ERBB4: variants seen among roughly 807,000 people sequenced by gnomAD.
The protein encoded by ERBB4 is receptor tyrosine-protein kinase erbB-4.
ERBB4 carries 42 observed loss-of-function variants against 158.0 expected under a neutral mutation model. The ratio of observed to expected loss-of-function variants is 0.27; its 90% CI spans 0.21 to 0.34. ERBB4 has a LOEUF of 0.34. Among genes scored for constraint, ERBB4 ranks in the 10% least tolerant of loss-of-function variants. The pLI is 1.00. For missense variants in ERBB4, 1,333 were observed against 1,624.1 expected (o/e 0.82, Z 3.08); for synonymous variants, 583 against 558.7 (o/e 1.04, Z -0.61).
chr2:211,771,682 G>T (rs1157002298), intron 4 of ERBB4, among the ~76,000 whole-genome samples: 1 of 152,098 alleles, frequency 6.6e-6, no homozygotes, highest in Non-Finnish European at 1.5e-5. Context: ...CCCCTAAAGA[G>T]GCTAAAGTGA....
intron 12 of ERBB4, among the ~76,000 whole-genome samples, chr2:211,699,864 A>G (rs1406206233): frequency 1.3e-5 from 2 of 152,162 alleles, no homozygotes; most frequent in East Asian, 3.8e-4. Context: ...GTGAAATAAC[A>G]TTATATAATT....
Position 212,235,461 on chromosome 2 carries a change from T to C in ERBB4, c.83-110558A>G, listed in dbSNP as rs547492820. ...CCTCTTGGCTATCCGGGCTCTTTTTTCGTTCCATATAAAATTTAAAGTAGT... is the reference window on the plus strand; with the variant it reads ...CCTCTTGGCTATCCGGGCTCTTTTTCCGTTCCATATAAAATTTAAAGTAGT... On this transcript the variant is annotated intron_variant, in intron 1 of 27. Coordinates refer to ENST00000342788, the MANE Select transcript of ERBB4 (RefSeq NM_005235.3). Among the ~76,000 whole-genome samples, 5 of 152,304 alleles carry C rather than the reference T, an allele frequency of 3.3e-5. No homozygotes were observed. The South Asian group carries it at 6.2e-4, about 19-fold the overall frequency.
intron 1 of ERBB4, among the ~76,000 whole-genome samples, chr2:212,401,040 C>A (rs967554559): frequency 1.3e-5 from 2 of 152,180 alleles, no homozygotes; most frequent in East Asian, 3.9e-4. Flanking sequence ...GCACTTAATG[C>A]CAATTTTAAG....
intron 1 of ERBB4, among the ~76,000 whole-genome samples, chr2:212,180,338 C>T (rs935036439): frequency 2.0e-5 from 3 of 151,574 alleles, no homozygotes; most frequent in Non-Finnish European, 4.4e-5. Context: ...AAGTGAAACA[C>T]CTGGATCACC....
chr2:211,400,093 A>C (rs7585000), intron 25 of ERBB4, among the ~76,000 whole-genome samples: 42,988 of 152,058 alleles, frequency 0.28, 6,224 homozygotes, highest in East Asian at 0.37. Flanking sequence ...TGAGAAGGGA[A>C]GTAGCTGCTG....
chr2:212,392,360 T>C (rs545595955), intron 1 of ERBB4, among the ~76,000 whole-genome samples: 4 of 151,938 alleles, frequency 2.6e-5, no homozygotes, highest in African/African-American at 7.2e-5. Context: ...AAATGTAACA[T>C]GGAAAAGAAA....
intron 2 of ERBB4, among the ~76,000 whole-genome samples, chr2:212,003,644 T>C (rs911231569): frequency 1.3e-5 from 2 of 152,156 alleles, no homozygotes; most frequent in African/African-American, 4.8e-5. Context: ...AATAAAATAA[T>C]AAAAATATTT....
intron 3 of ERBB4, among the ~76,000 whole-genome samples, chr2:211,899,712 C>T (rs1156932027): frequency 6.6e-6 from 1 of 152,026 alleles, no homozygotes; most frequent in Non-Finnish European, 1.5e-5. Flanking sequence ...CCATATAATT[C>T]CTTAATAGAA....
chr2:212,380,705 T>A (rs1239262400), intron 1 of ERBB4, among the ~76,000 whole-genome samples: 1 of 151,098 alleles, frequency 6.6e-6, no homozygotes, highest in African/African-American at 2.4e-5. Context: ...TTTAGGCTCT[T>A]TGAAAATGTA....
At chr2:212,096,550 A>T (rs959455761) in intron 2 of ERBB4, among the ~76,000 whole-genome samples, 2 of 152,194 alleles carry the variant, frequency 1.3e-5, no homozygotes, top group Non-Finnish European at 2.9e-5. Context: ...CTGAGGGCTC[A>T]CATTTCCTCA....
intron 3 of ERBB4, among the ~76,000 whole-genome samples, chr2:211,939,785 G>C (rs1398125541): frequency 4.6e-5 from 7 of 151,654 alleles, no homozygotes; most frequent in Non-Finnish European, 1.0e-4. Flanking sequence ...ATCTCTAATA[G>C]AAATATACAA....
chr2:212,277,866 G>C (rs1355537023), intron 1 of ERBB4, among the ~76,000 whole-genome samples: 1 of 151,542 alleles, frequency 6.6e-6, no homozygotes, highest in Non-Finnish European at 1.5e-5. Context: ...GTAAACAGAG[G>C]AGTATGATTA....
chr2:212,133,273 T>C (rs997046594), intron 1 of ERBB4, among the ~76,000 whole-genome samples: 3 of 152,130 alleles, frequency 2.0e-5, no homozygotes, highest in Non-Finnish European at 2.9e-5. Flanking sequence ...TTATAGCCTA[T>C]AAGAACTTGT....
chr2:212,369,775 C>T (rs2090020896), intron 1 of ERBB4, among the ~76,000 whole-genome samples: 1 of 151,996 alleles, frequency 6.6e-6, no homozygotes, highest in Non-Finnish European at 1.5e-5. Flanking sequence ...TCAAAGCAGC[C>T]TGGAAATTGT....
At position 211,780,926 on chromosome 2, in the gene ERBB4, A is replaced by G. The variant is rs192258493; in HGVS notation, c.556+7099T>C. Among the ~76,000 whole-genome samples, 799 of 152,338 alleles carry G rather than the reference A, an allele frequency of 5.2e-3. 9 individuals carry two copies. Among genetic ancestry groups the G allele is most frequent in the Middle Eastern group, 0.02 (6 of 294 alleles). On this transcript the variant is annotated intron_variant, in intron 4 of 27. Coordinates refer to ENST00000342788, the MANE Select transcript of ERBB4 (RefSeq NM_005235.3). ...ATAATTTAGGGTTTTATTTAAAAATATCTTTTGAAAACAGTGTGATTTCAT... is the reference window on the plus strand; with the variant it reads ...ATAATTTAGGGTTTTATTTAAAAATGTCTTTTGAAAACAGTGTGATTTCAT...
intron 12 of ERBB4, among the ~76,000 whole-genome samples, chr2:211,694,561 C>T (rs1574999264): frequency 6.7e-6 from 1 of 148,382 alleles, no homozygotes; most frequent in African/African-American, 2.5e-5. Context: ...TACTTGAATG[C>T]TTTTTTTTTT....
intron 3 of ERBB4, among the ~76,000 whole-genome samples, chr2:211,919,523 T>C (rs2079800118): frequency 6.6e-6 from 1 of 152,054 alleles, no homozygotes; most frequent in Admixed American, 6.6e-5. Context: ...CAAATAACCC[T>C]AGTAAATGTG....
At position 211,548,452 on chromosome 2, in the gene ERBB4, T is replaced by C. The variant is rs2066998680; in HGVS notation, c.2487+13451A>G. 2.0e-5 allele frequency among the ~76,000 whole-genome samples: 3 copies of C among 152,048 alleles called. No homozygotes were observed. The South Asian group carries it at 6.2e-4, about 31-fold the overall frequency. ...TATAGAGAAAAAATTCATAAGCTCA[T>C]TTAAAAAATTATCACAAGAGGTATA... On this transcript the variant is annotated intron_variant, in intron 20 of 27. Coordinates refer to ENST00000342788, the MANE Select transcript of ERBB4 (RefSeq NM_005235.3).
chr2:211,639,247 T>C (rs749374748), intron 16 of ERBB4, among the ~76,000 whole-genome samples: 2 of 152,230 alleles, frequency 1.3e-5, no homozygotes, highest in African/African-American at 2.4e-5. Flanking sequence ...CAGAATATTG[T>C]AAATATTTAA....
Sources: gnomAD v4.1 joint callset for allele counts (sites outside exome capture counted in the v4.1 genomes callset) on GRCh38, gnomAD v4.1.1 for gene constraint, MANE v1.5 for transcripts, NCBI Gene and HGNC (gene_info 2026-07-23, HGNC 2026-07-21) for gene names.